Variants in NOTCH4 observed in about 807,000 individuals in gnomAD.
NOTCH4 encodes neurogenic locus notch homolog protein 4.
In NOTCH4, 138 loss-of-function variants were observed where a neutral mutation model predicts 189.0. The ratio of observed to expected loss-of-function variants is 0.73; its 90% CI spans 0.64 to 0.84. The LOEUF is 0.84. NOTCH4 is among the 40% of genes least tolerant of loss of function. The probability of loss-of-function intolerance (pLI) is 0.00; values close to 1 mark genes in which losing one functional copy is unlikely to be tolerated. For synonymous variants in NOTCH4, 942 were observed against 1,032.8 expected, an observed-to-expected ratio of 0.91 and a Z score of 1.69; for missense variants, 2,286 against 2,605.4, an observed-to-expected ratio of 0.88 and a Z score of 2.67.
Position 32,213,836 on chromosome 6 carries a change from G to T in NOTCH4, c.2172C>A (p.Pro724=). 6.2e-7 allele frequency: 1 copy of T among 1,611,710 alleles called. No homozygotes were observed. Among genetic ancestry groups the T allele is most frequent in the Non-Finnish European group, 8.5e-7 (1 of 1,179,740 alleles). ...NCTCPTGYTG[P]TCSEEMTACH... is the part of the protein sequence containing the mutation. Reference sequence around the variant, plus strand: ...AAGCTGTCATCTCCTCACTACAGGTGGGTCCTGAAGGAAACAGGTGGGGGC... The same window carrying T: ...AAGCTGTCATCTCCTCACTACAGGTTGGTCCTGAAGGAAACAGGTGGGGGC... Residue 724 remains proline (P), a synonymous_variant, in exon 14 of 30, where the codon CCC becomes CCA. Coordinates refer to ENST00000375023, the MANE Select transcript of NOTCH4 (RefSeq NM_004557.4).
intron 11 of NOTCH4, 98 bp downstream of exon 11, chr6:32,216,847 C>T: frequency 1.5e-6 from 2 of 1,349,922 alleles, no homozygotes; most frequent in Non-Finnish European, 2.1e-6. Context: ...TCATTCTATT[C>T]TCACATCCCA....
Position 32,212,526 on chromosome 6 carries a change from C to CCCGGG in NOTCH4, c.2627_2628insCCCGG (p.Leu878GlyfsTer16). On this transcript the variant is annotated frameshift_variant, in exon 17 of 30. Coordinates refer to ENST00000375023, the MANE Select transcript of NOTCH4 (RefSeq NM_004557.4). LOFTEE classifies it high-confidence loss of function. The surrounding 1 kb of genome is among the most constrained non-coding windows in gnomAD (Gnocchi z 4.4). ...AGGACAGTGGAAGGTTGCAGAGAGG[C>CCCGGG]CCGGTCCATCCCTGGAGGCACAAGC... The CCCGGG allele has an allele frequency of 6.2e-7, 1 of 1,613,084 alleles. No individual in the cohort carries two copies. The highest frequency in any genetic ancestry group is 8.5e-7 in the Non-Finnish European group (1 of 1,179,952).
At chr6:32,220,674 G>A (rs567341221) in intron 5 of NOTCH4, 33 bp from the exon 6 acceptor site, 6 of 1,612,370 alleles carry the variant, frequency 3.7e-6, no homozygotes, top group South Asian at 1.1e-5. Flanking sequence ...CGAGGGCTAA[G>A]GCTGGGAGCC....
chr6:32,222,906 C>G lies in NOTCH4; in HGVS notation c.155+99G>C, dbSNP rs530086827. 315 of 1,550,474 alleles carry G rather than the reference C, an allele frequency of 2.0e-4. No individual in the cohort carries two copies. In the African/African-American group the frequency reaches 3.5e-3, roughly 17 times the overall value. On this transcript the variant is annotated intron_variant, in intron 2 of 29. Transcript: ENST00000375023. ...CATTTGTTTCCCTTCATCTCCTTCA[C>G]TTCCTCTCTTTCTTCTTTGGTCTCA...
chr6:32,221,306 C>T lies in NOTCH4; in HGVS notation c.471G>A (p.Arg157=), dbSNP rs1417715793. 6.2e-7 allele frequency: 1 copy of T among 1,612,508 alleles called. No individual in the cohort carries two copies. Among genetic ancestry groups the T allele is most frequent in the South Asian group, 1.1e-5 (1 of 91,028 alleles). ...CACATGGGTTGGCTGAACAGAAGTC[C>T]CGAAGCTGGCACTGCTCACCTGAGG... ...PGWTGEQCQL[R]DFCSANPCVN... Residue 157 remains arginine, a synonymous_variant, in exon 4 of 30, where the codon CGG becomes CGA. Coordinates refer to ENST00000375023, the MANE Select transcript of NOTCH4 (RefSeq NM_004557.4). The surrounding 1 kb of genome is among the most constrained non-coding windows in gnomAD (Gnocchi z 4.3).
Position 32,217,768 on chromosome 6 carries a change from G to A in NOTCH4, c.1624+227C>T, listed in dbSNP as rs1789506655. Among the ~76,000 whole-genome samples the A allele has an allele frequency of 6.6e-6, 1 of 152,204 alleles. No individual in the cohort carries two copies. The highest frequency in any genetic ancestry group is 1.5e-5 in the Non-Finnish European group (1 of 68,028). ...AGAGGCTGTGCAGGAGGACTGGAAA[G>A]GAGGGATCTTTGGGTGATTTGGTAG... On this transcript the variant is annotated intron_variant, in intron 9 of 29. Coordinates refer to ENST00000375023, the MANE Select transcript of NOTCH4 (RefSeq NM_004557.4). This position sits in a 1 kb window ranked among gnomAD's most constrained non-coding sequence, Gnocchi z 4.2.
rs1180737040 is a variant in NOTCH4, at chr6:32,200,965, G to T, written c.4181C>A (p.Pro1394His). The change falls in exon 23 of 30, where the codon CCT becomes CAT. Residue 1394 changes from proline to histidine, a missense_variant. Transcript: ENST00000375023. This position sits in a 1 kb window ranked among gnomAD's most constrained non-coding sequence, Gnocchi z 5.0. ...GGGACAGCGGGATGCCGGGTGGTCAGGGCCACAGCGGGACAAATCCACACC... is the reference window on the plus strand; with the variant it reads ...GGGACAGCGGGATGCCGGGTGGTCATGGCCACAGCGGGACAAATCCACACC... ...VMGVDLSRCG[P>H]DHPASRCPWD... The T allele has an allele frequency of 3.8e-6, 6 of 1,595,630 alleles. No homozygotes were observed. Among genetic ancestry groups the T allele is most frequent in the Non-Finnish European group, 5.1e-6 (6 of 1,171,304 alleles).
Position 32,201,565 on chromosome 6 carries a change from A to AAG in NOTCH4, c.3756-67_3756-66dup. ...ACCTGACTCTTTTCTTCACCCTAGA[A>AAG]AGAATTCCCCATATTTTGTGCCCTC... is the stretch of plus-strand genomic sequence containing the variant. On this transcript the variant is annotated intron_variant, in intron 21 of 29. Coordinates refer to ENST00000375023, the MANE Select transcript of NOTCH4 (RefSeq NM_004557.4). The surrounding 1 kb of genome is among the most constrained non-coding windows in gnomAD (Gnocchi z 5.5). The AAG allele has an allele frequency of 7.1e-7, 1 of 1,417,602 alleles. No individual in the cohort carries two copies. The highest frequency in any genetic ancestry group is 2.5e-5 in the East Asian group (1 of 40,534). 87.8% of individuals were successfully genotyped at this position (1,417,602 alleles called of 1,614,324 possible).
At position 32,201,657 on chromosome 6, in the gene NOTCH4, T is replaced by A; in HGVS notation, c.3756-157A>T. ...AGCTTAGTCAAGTCCTGGATGGTAG[T>A]CCAGACACCCCAATGTCTGCTAACA... On this transcript the variant is annotated intron_variant, in intron 21 of 29. Transcript: ENST00000375023. The surrounding 1 kb of genome is among the most constrained non-coding windows in gnomAD (Gnocchi z 5.5). 1.7e-6 allele frequency: 1 copy of A among 585,592 alleles called. No individual in the cohort carries two copies. The highest frequency in any genetic ancestry group is 2.7e-6 in the Non-Finnish European group (1 of 375,564). The allele number at this position is 585,592 out of a possible 1,614,324, so 36.3% of individuals were successfully genotyped here.
chr6:32,216,725 A>G (rs889840541), intron 11 of NOTCH4: 1 of 627,352 alleles, frequency 1.6e-6, no homozygotes, highest in Non-Finnish European at 2.8e-6. Flanking sequence ...CCAAGCCGCA[A>G]TCACACCATT....
rs1466329384 is a variant in NOTCH4 at position 32,213,070 on chromosome 6, A to G, written c.2438+65T>C. ...GAGGCAGCCTGGAACCCAGGGGGAG[A>G]TGAGAGGAGGGGTGGGAAGGCTGAG... On this transcript the variant is annotated intron_variant, in intron 15 of 29. Coordinates refer to ENST00000375023, the MANE Select transcript of NOTCH4 (RefSeq NM_004557.4). The G allele has an allele frequency of 1.1e-5, 14 of 1,276,084 alleles. No homozygotes were observed. In the African/African-American group the frequency reaches 1.6e-4, roughly 15 times the overall value. 79.0% of individuals were successfully genotyped at this position (1,276,084 alleles called of 1,614,324 possible). A position where few individuals can be genotyped will look rare whatever the true frequency, so the allele number is the denominator to read the frequency against.
chr6:32,216,944 C>T lies in NOTCH4; in HGVS notation c.1861+1G>A, dbSNP rs2127482746. Reference sequence around the variant, plus strand: ...TTCTTTCCAGTGCCTCCCCTGTGAACCTGTGAAACCAGAGGGGCAGAGGCA... The same window carrying T: ...TTCTTTCCAGTGCCTCCCCTGTGAATCTGTGAAACCAGAGGGGCAGAGGCA... On this transcript the variant is annotated splice_donor_variant, in intron 11 of 29. Transcript: ENST00000375023. LOFTEE classifies it high-confidence loss of function. The T allele has an allele frequency of 6.2e-7, 1 of 1,613,128 alleles. No homozygotes were observed. The highest frequency in any genetic ancestry group is 1.1e-5 in the South Asian group (1 of 91,084).
At position 32,212,462 on chromosome 6, in the gene NOTCH4, G is replaced by C. The variant is rs376570604; in HGVS notation, c.2680+12C>G. On this transcript the variant is annotated intron_variant, in intron 17 of 29. Transcript: ENST00000375023. The surrounding 1 kb of genome is among the most constrained non-coding windows in gnomAD (Gnocchi z 4.4). ...CTTCATTTGCTCTCCAGTCAGTGCC[G>C]GCGTTGGTTACCTTGGCTCAGTGCA... is the stretch of plus-strand genomic sequence containing the variant. The C allele has an allele frequency of 6.3e-7, 1 of 1,597,582 alleles. No homozygotes were observed. Among genetic ancestry groups the C allele is most frequent in the Non-Finnish European group, 8.5e-7 (1 of 1,171,972 alleles).
chr6:32,199,267 G>T lies in NOTCH4; in HGVS notation c.4316-122C>A. On this transcript the variant is annotated intron_variant, in intron 23 of 29. Transcript: ENST00000375023. The surrounding 1 kb of genome is among the most constrained non-coding windows in gnomAD (Gnocchi z 4.9). ...TCGGTTTCCTTATCTGCAAAATGGG[G>T]ATGATAATATAGATTGAGGTTGGGC... 1 of 711,294 alleles carries T rather than the reference G, an allele frequency of 1.4e-6. No homozygotes were observed. The allele number at this position is 711,294 out of a possible 1,614,324, so 44.1% of individuals were successfully genotyped here. A position where few individuals can be genotyped will look rare whatever the true frequency, so the allele number is the denominator to read the frequency against.
At position 32,220,433 on chromosome 6, in the gene NOTCH4, G is replaced by C. The variant is rs1789681038; in HGVS notation, c.1131C>G (p.Phe377Leu). Residue 377 changes from phenylalanine (F) to leucine (L), a missense_variant, in exon 6 of 30, where the codon TTC (phenylalanine) becomes TTG (leucine). Transcript: ENST00000375023. ...TGCGTCCAGGTGGGCAGAGGCAGGA[G>C]AAAGAGCCCACCCGGTCAATGCAGG... ...GSTCIDRVGS[F>L]SCLCPPGRTG... 6.2e-7 allele frequency: 1 copy of C among 1,613,988 alleles called. No homozygotes were observed. The highest frequency in any genetic ancestry group is 1.1e-5 in the South Asian group (1 of 91,092).
rs1473039560 is a variant in NOTCH4, at chr6:32,201,452, A to G, written c.3804T>C (p.Cys1268=). 4.6e-6 allele frequency: 7 copies of G among 1,529,168 alleles called. No homozygotes were observed. Among genetic ancestry groups the G allele is most frequent in the Non-Finnish European group, 6.1e-6 (7 of 1,139,856 alleles). The allele number at this position is 1,529,168 out of a possible 1,614,324, so 94.7% of individuals were successfully genotyped here. The change falls in exon 22 of 30, where the codon TGT becomes TGC. Residue 1268 remains cysteine (C), a synonymous_variant. Transcript: ENST00000375023. The surrounding 1 kb of genome is among the most constrained non-coding windows in gnomAD (Gnocchi z 5.5). ...YCHDHFHNGH[C]EKGCNTAECG... is the part of the protein sequence containing the mutation. ...ACTCTGCAGTGTTGCAGCCTTTCTCACAGTGCCCGTTGTGGAAGTGATCAT... is the reference window on the plus strand; with the variant it reads ...ACTCTGCAGTGTTGCAGCCTTTCTCGCAGTGCCCGTTGTGGAAGTGATCAT...
chr6:32,195,915 G>C lies in NOTCH4; in HGVS notation c.5534C>G (p.Thr1845Arg). The C allele has an allele frequency of 6.3e-7, 1 of 1,586,400 alleles. No individual in the cohort carries two copies. The highest frequency in any genetic ancestry group is 8.5e-7 in the Non-Finnish European group (1 of 1,173,896). The change falls in exon 30 of 30, where the codon ACG becomes AGG. Residue 1845 changes from threonine (T) to arginine (R), a missense_variant. Thr to Arg is a moderately conservative substitution (Grantham distance 71). This residue lies in a region of NOTCH4 where 383 missense variants were observed against 343.5 expected (regional missense o/e 1.11). Transcript: ENST00000375023. The surrounding 1 kb of genome is among the most constrained non-coding windows in gnomAD (Gnocchi z 5.4). Reference protein sequence around the residue: ...REAGPFPRARTVSVSVPPHGG... With the variant: ...REAGPFPRARRVSVSVPPHGG... Reference sequence around the variant, plus strand: ...ATGCGGGGGCACGCTTACTGACACCGTCCGTGCGCGCGGGAAGGGCCCAGC... The same window carrying C: ...ATGCGGGGGCACGCTTACTGACACCCTCCGTGCGCGCGGGAAGGGCCCAGC...
At chr6:32,203,722 C>T (rs1788493864) in intron 20 of NOTCH4, 48 bp downstream of exon 20, 1 of 1,410,670 alleles carries the variant, frequency 7.1e-7, no homozygotes, top group Admixed American at 2.2e-5. Context: ...GTATTCTTGC[C>T]TTGTCAGCAT....
Position 32,202,440 on chromosome 6 carries a change from G to T in NOTCH4, c.3391C>A (p.Pro1131Thr), listed in dbSNP as rs767823726. The T allele has an allele frequency of 3.7e-6, 6 of 1,612,274 alleles. No homozygotes were observed. The highest frequency in any genetic ancestry group is 3.3e-5 in the South Asian group (3 of 90,966). ...GGPDCLTPPA[P>T]KGCGPPSPCL... ...GGGGAGGGAGGGCCACAGCCTTTAGGAGCTGGTGGGGTCAGGCAGTCAGGA... is the reference window on the plus strand; with the variant it reads ...GGGGAGGGAGGGCCACAGCCTTTAGTAGCTGGTGGGGTCAGGCAGTCAGGA... The change falls in exon 21 of 30, where the codon CCT becomes ACT. Residue 1131 changes from proline to threonine, a missense_variant. Pro to Thr is a conservative substitution (Grantham distance 38). This residue lies in a region of NOTCH4 where 1,903 missense variants were observed against 2,261.9 expected (regional missense o/e 0.84). Transcript: ENST00000375023. This position sits in a 1 kb window ranked among gnomAD's most constrained non-coding sequence, Gnocchi z 5.7.
Sources: allele counts gnomAD v4.1 joint callset (sites outside exome capture counted in the v4.1 genomes callset), GRCh38; gene constraint gnomAD v4.1.1; regional missense constraint gnomAD v4.1.1; non-coding constraint Gnocchi (gnomAD v3.1); transcripts MANE v1.5; gene names NCBI Gene and HGNC (gene_info 2026-07-23, HGNC 2026-07-21).